The following SLC4A10 variants were observed in gnomAD, a reference collection of about 807,000 sequenced individuals.
The protein encoded by SLC4A10 is sodium-driven chloride bicarbonate exchanger.
SLC4A10 carries 42 observed loss-of-function variants against 137.7 expected under a neutral mutation model. That is an observed-to-expected ratio of 0.30 (90% CI 0.24 to 0.39). The LOEUF (loss-of-function observed/expected upper bound fraction) is 0.39. Among genes scored for constraint, SLC4A10 ranks in the 10% least tolerant of loss-of-function variants. The probability of loss-of-function intolerance (pLI) is 1.00; values close to 1 mark genes in which losing one functional copy is unlikely to be tolerated. For missense variants in SLC4A10, 925 were observed against 1,355.0 expected (o/e 0.68, Z 4.98); for synonymous variants, 474 against 464.1 (o/e 1.02, Z -0.27).
chr2:161,857,402 G>A (rs1257636439), intron 5 of SLC4A10, among the ~76,000 whole-genome samples: 3 of 151,884 alleles, frequency 2.0e-5, no homozygotes, highest in African/African-American at 7.3e-5. Context: ...GTGTAGAACA[G>A]CCTGTAAAAT....
intron 22 of SLC4A10, 54 bp from the exon 23 acceptor site, chr2:161,964,997 C>G: frequency 1.3e-6 from 2 of 1,540,056 alleles, no homozygotes; most frequent in Non-Finnish European, 1.8e-6. Context: ...GGCAAATCTA[C>G]ACCTCTCGTT....
Position 161,705,673 on chromosome 2 carries a change from G to A in SLC4A10, c.49-65300G>A, listed in dbSNP as rs866002029. Among the ~76,000 whole-genome samples the A allele has an allele frequency of 3.3e-5, 5 of 151,598 alleles. No homozygotes were observed. The South Asian group carries it at 8.3e-4, about 25-fold the overall frequency. On this transcript the variant is annotated intron_variant, in intron 1 of 26. Coordinates refer to ENST00000446997, the MANE Select transcript of SLC4A10 (RefSeq NM_001178015.2). ...AAATTGAATTAGTGCCCTTATAAAA[G>A]AGGCCCCAGAGAGTTGCCTTGCCCC...
intron 5 of SLC4A10, among the ~76,000 whole-genome samples, chr2:161,859,589 CTTTTCTTTTTT>C (rs2060299560): frequency 9.5e-6 from 1 of 104,828 alleles, no homozygotes; most frequent in Non-Finnish European, 1.9e-5. Context: ...CTTTTCTTTT[CTTTTCTTTTTT>C]TTTTTTTTTT....
chr2:161,729,532 TAGG>T (rs2046612983), intron 1 of SLC4A10, among the ~76,000 whole-genome samples: 1 of 152,054 alleles, frequency 6.6e-6, no homozygotes, highest in South Asian at 2.1e-4. Context: ...AAAAAAATTG[TAGG>T]AGAAGATCAT....
At chr2:161,884,670 G>C (rs2062089353) in intron 10 of SLC4A10, among the ~76,000 whole-genome samples, 2 of 152,144 alleles carry the variant, frequency 1.3e-5, no homozygotes, top group African/African-American at 4.8e-5. Context: ...GGTAATCATT[G>C]TAGATTATGG....
chr2:161,793,812 GA>G (rs1417147610), intron 2 of SLC4A10, among the ~76,000 whole-genome samples: 1 of 152,056 alleles, frequency 6.6e-6, no homozygotes, highest in Non-Finnish European at 1.5e-5. Context: ...TTTGTAATAT[GA>G]AAATATGGCA....
At chr2:161,706,724 C>T (rs552486799) in intron 1 of SLC4A10, among the ~76,000 whole-genome samples, 182 of 151,546 alleles carry the variant, frequency 1.2e-3, no homozygotes, top group Non-Finnish European at 2.1e-3. Flanking sequence ...CATCTCTTCC[C>T]TCTGTTCTTA....
rs2063132464 is a variant in SLC4A10, at chr2:161,893,523, C to G, written c.1195-1156C>G. Among the ~76,000 whole-genome samples, 3 of 151,986 alleles carry G rather than the reference C, an allele frequency of 2.0e-5. No individual in the cohort carries two copies. The South Asian group carries it at 6.2e-4, about 31-fold the overall frequency. The stretch of plus-strand genomic sequence containing the variant: ...CCAGCCCAGGCAACATAGCAAGACT[C>G]TGTCTCTACAAGAAATTTTTTAAAA... On this transcript the variant is annotated intron_variant, in intron 10 of 26. Transcript: ENST00000446997.
At chr2:161,930,962 C>G (rs143717002) in intron 15 of SLC4A10, among the ~76,000 whole-genome samples, 13 of 140,078 alleles carry the variant, frequency 9.3e-5, no homozygotes, top group African/African-American at 3.1e-4. Context: ...AGACGCGTCT[C>G]GCTCTGTGGC....
chr2:161,694,520 C>T (rs1394571113), intron 1 of SLC4A10, among the ~76,000 whole-genome samples: 1 of 149,096 alleles, frequency 6.7e-6, no homozygotes, highest in Non-Finnish European at 1.5e-5. Flanking sequence ...ATATACTGTA[C>T]ATATTTAAAG....
intron 1 of SLC4A10, among the ~76,000 whole-genome samples, chr2:161,656,763 A>C (rs941359176): frequency 1.3e-5 from 2 of 152,168 alleles, no homozygotes; most frequent in Non-Finnish European, 2.9e-5. Context: ...TAGAAATTCT[A>C]TTATAAGAAT....
At chr2:161,710,603 C>T in intron 1 of SLC4A10, 2 of 417,356 alleles carry the variant, frequency 4.8e-6, no homozygotes, top group Middle Eastern at 3.5e-4. Context: ...GTCAATCTTT[C>T]TTCTTGCATG....
At chr2:161,862,792 C>T in intron 5 of SLC4A10, 82 bp from the exon 6 acceptor site, 1 of 1,061,838 alleles carries the variant, frequency 9.4e-7, no homozygotes, top group South Asian at 3.3e-5. Context: ...TTAGGGCTTG[C>T]ATATTTGGAC....
intron 24 of SLC4A10, among the ~76,000 whole-genome samples, chr2:161,976,262 C>T (rs370481638): frequency 2.0e-5 from 3 of 152,080 alleles, no homozygotes; most frequent in South Asian, 2.1e-4. Flanking sequence ...TACAATGGAA[C>T]ATTATCCAGG....
At chr2:161,712,398 A>G (rs1227397055) in intron 1 of SLC4A10, among the ~76,000 whole-genome samples, 1 of 151,324 alleles carries the variant, frequency 6.6e-6, no homozygotes, top group Non-Finnish European at 1.5e-5. Flanking sequence ...GGTAAAAAAA[A>G]GCCTTTCTTT....
intron 1 of SLC4A10, among the ~76,000 whole-genome samples, chr2:161,697,435 T>G (rs1290013891): frequency 2.0e-5 from 3 of 152,120 alleles, no homozygotes; most frequent in Non-Finnish European, 2.9e-5. Context: ...TTTTATGTTT[T>G]TAGGTCTAAC....
At chr2:161,736,705 G>T (rs538327312) in intron 1 of SLC4A10, among the ~76,000 whole-genome samples, 1 of 151,988 alleles carries the variant, frequency 6.6e-6, no homozygotes, top group Non-Finnish European at 1.5e-5. Flanking sequence ...TGACACATGG[G>T]GATCATGGGA....
At chr2:161,643,917 T>C (rs905089834) in intron 1 of SLC4A10, among the ~76,000 whole-genome samples, 2 of 152,140 alleles carry the variant, frequency 1.3e-5, no homozygotes, top group African/African-American at 2.4e-5. Flanking sequence ...TGGTTCAAAA[T>C]AGAATGGAGT....
chr2:161,976,877 G>T lies in SLC4A10; in HGVS notation c.3344+1G>T, dbSNP rs765311781. The T allele has an allele frequency of 7.2e-6, 11 of 1,531,072 alleles. No homozygotes were observed. The highest frequency in any genetic ancestry group is 9.7e-6 in the Non-Finnish European group (11 of 1,128,542). 94.8% of individuals were successfully genotyped at this position (1,531,072 alleles called of 1,614,324 possible). ...AGGAGTCAAGCTTTCCTTCCAAAAG[G>T]TTTGGATTTTAAAATAATGAGAATT... On this transcript the variant is annotated splice_donor_variant, in intron 25 of 26. Transcript: ENST00000446997. LOFTEE classifies it high-confidence loss of function.
Sources: allele counts gnomAD v4.1 joint callset (sites outside exome capture counted in the v4.1 genomes callset), GRCh38; gene constraint gnomAD v4.1.1; transcripts MANE v1.5; gene names NCBI Gene and HGNC (gene_info 2026-07-23, HGNC 2026-07-21).